MAPKAP1: variants seen among roughly 807,000 people sequenced by gnomAD.
MAPKAP1 encodes target of rapamycin complex 2 subunit MAPKAP1.
A neutral mutation model predicts 65.7 loss-of-function variants in MAPKAP1; 20 were observed. The observed-to-expected ratio is 0.30, with a 90% CI of 0.21 to 0.44. The LOEUF is 0.44. MAPKAP1 is among the 20% of genes least tolerant of loss of function. The probability of loss-of-function intolerance (pLI) is 1.00; values close to 1 mark genes in which losing one functional copy is unlikely to be tolerated. For synonymous variants in MAPKAP1, 222 were observed against 244.3 expected (o/e 0.91, Z 0.85); for missense variants, 423 against 648.0 (o/e 0.65, Z 3.77).
At chr9:125,564,690 ATTGAATT>A (rs779065861) in intron 5 of MAPKAP1, among the ~76,000 whole-genome samples, 20 of 152,308 alleles carry the variant, frequency 1.3e-4, no homozygotes, top group Non-Finnish European at 2.4e-4. Flanking sequence ...GGATTGAATG[ATTGAATT>A]TATTGCACAG....
At chr9:125,477,385 A>G (rs1463814079) in intron 9 of MAPKAP1, among the ~76,000 whole-genome samples, 7 of 152,236 alleles carry the variant, frequency 4.6e-5, no homozygotes, top group Non-Finnish European at 1.0e-4. Context: ...CTGCCCAGTC[A>G]GTAAAAACAA....
chr9:125,640,465 A>G (rs1423333915), intron 4 of MAPKAP1, among the ~76,000 whole-genome samples: 1 of 152,024 alleles, frequency 6.6e-6, no homozygotes, highest in African/African-American at 2.4e-5. Context: ...CCTTGCATCA[A>G]TGCACCCCCG....
chr9:125,691,215 C>A (rs890165679), intron 1 of MAPKAP1, among the ~76,000 whole-genome samples: 1 of 152,048 alleles, frequency 6.6e-6, no homozygotes, highest in African/African-American at 2.4e-5. Context: ...GAGCCGAGAT[C>A]GCGCCACTGC....
chr9:125,530,053 T>G (rs1829889628), intron 7 of MAPKAP1, among the ~76,000 whole-genome samples: 1 of 152,104 alleles, frequency 6.6e-6, no homozygotes, highest in Non-Finnish European at 1.5e-5. Flanking sequence ...CTTATGGGAG[T>G]AAAACAGCTC....
intron 5 of MAPKAP1, among the ~76,000 whole-genome samples, chr9:125,577,488 A>G (rs1231086668): frequency 7.2e-5 from 8 of 111,724 alleles, no homozygotes; most frequent in African/African-American, 1.1e-4. Flanking sequence ...GGTGAGGGGC[A>G]CCTCTGCCAG....
intron 6 of MAPKAP1, among the ~76,000 whole-genome samples, chr9:125,545,495 C>T (rs1830397318): frequency 6.6e-6 from 1 of 152,162 alleles, no homozygotes; most frequent in Admixed American, 6.5e-5. Context: ...CACAAGTTCT[C>T]GGGTACTCAC....
intron 4 of MAPKAP1, among the ~76,000 whole-genome samples, chr9:125,604,257 C>A (rs1313123870): frequency 1.3e-5 from 2 of 152,184 alleles, no homozygotes; most frequent in Admixed American, 1.3e-4. Context: ...AAATAAAACA[C>A]TTTATCAATT....
At chr9:125,464,204 TAAAAAAA>T (rs57497941) in intron 10 of MAPKAP1, among the ~76,000 whole-genome samples, 18 of 83,332 alleles carry the variant, frequency 2.2e-4, no homozygotes, top group Admixed American at 4.7e-4. Context: ...TCTCATATAT[TAAAAAAA>T]AAAAAAAAAA....
chr9:125,514,685 T>C (rs1436863614), intron 7 of MAPKAP1, among the ~76,000 whole-genome samples: 1 of 152,190 alleles, frequency 6.6e-6, no homozygotes, highest in African/African-American at 2.4e-5. Context: ...TTTTCTCTCA[T>C]ATGCAACAGG....
In MAPKAP1 at chr9:125,639,893, C is replaced by A. The variant is rs150313518; in HGVS notation, c.498+17758G>T. ...GGAGGGCAGTGAGAGGCTTATTTCT[C>A]CTTCTGGGGAGATATACTTGAACAC... is the stretch of plus-strand genomic sequence containing the variant. On this transcript the variant is annotated intron_variant, in intron 4 of 11. Coordinates refer to ENST00000265960, the MANE Select transcript of MAPKAP1 (RefSeq NM_001006617.3). Among the ~76,000 whole-genome samples, 106 of 152,304 alleles carry A rather than the reference C, an allele frequency of 7.0e-4. 1 individual carries two copies. In the East Asian group the frequency reaches 0.013, roughly 19 times the overall value.
At chr9:125,499,727 T>C (rs980399233) in intron 8 of MAPKAP1, among the ~76,000 whole-genome samples, 1 of 151,456 alleles carries the variant, frequency 6.6e-6, no homozygotes, top group Non-Finnish European at 1.5e-5. Flanking sequence ...AAAACTAATT[T>C]GTGGCTGGGT....
Position 125,595,242 on chromosome 9 carries a change from T to TA in MAPKAP1, c.499-9516dup, listed in dbSNP as rs1176037047. Among the ~76,000 whole-genome samples, 1 of 152,208 alleles carries TA rather than the reference T, an allele frequency of 6.6e-6. No homozygotes were observed. Among genetic ancestry groups the TA allele is most frequent in the Non-Finnish European group, 1.5e-5 (1 of 68,028 alleles). ...TATATACTGGAAAAGCTCAGTCTTT[T>TA]AAAAAGTGTCTCTAGGCCAATTATG... On this transcript the variant is annotated intron_variant, in intron 4 of 11. Coordinates refer to ENST00000265960, the MANE Select transcript of MAPKAP1 (RefSeq NM_001006617.3). The surrounding 1 kb of genome is among the most constrained non-coding windows in gnomAD (Gnocchi z 4.0).
chr9:125,497,461 A>G (rs756850508), intron 8 of MAPKAP1, among the ~76,000 whole-genome samples: 12 of 152,210 alleles, frequency 7.9e-5, no homozygotes, highest in Non-Finnish European at 1.5e-4. Flanking sequence ...CAGGCCTCTC[A>G]TTATTGTTCA....
In MAPKAP1 at chr9:125,576,324, T is replaced by A. The variant is rs1831394869; in HGVS notation, c.671+9231A>T. 2.6e-5 allele frequency among the ~76,000 whole-genome samples: 4 copies of A among 152,216 alleles called. No homozygotes were observed. The South Asian group carries it at 8.3e-4, about 31-fold the overall frequency. ...ATTGGTTCATCAACTTTAACAAATG[T>A]ACCACACTAATGCAAGATATTAGTA... On this transcript the variant is annotated intron_variant, in intron 5 of 11. Coordinates refer to ENST00000265960, the MANE Select transcript of MAPKAP1 (RefSeq NM_001006617.3).
At chr9:125,639,443 A>G (rs541607715) in intron 4 of MAPKAP1, among the ~76,000 whole-genome samples, 3 of 152,282 alleles carry the variant, frequency 2.0e-5, no homozygotes, top group Admixed American at 2.0e-4. Flanking sequence ...AATGCATGCA[A>G]AGCACTCAGA....
At chr9:125,534,880 G>C (rs1430967985) in intron 7 of MAPKAP1, among the ~76,000 whole-genome samples, 1 of 152,124 alleles carries the variant, frequency 6.6e-6, no homozygotes, top group Non-Finnish European at 1.5e-5. Context: ...AGGGCTCCCT[G>C]CTTCCCATGT....
At chr9:125,669,111 C>G (rs904399285) in intron 3 of MAPKAP1, among the ~76,000 whole-genome samples, 1 of 150,110 alleles carries the variant, frequency 6.7e-6, no homozygotes, top group Non-Finnish European at 1.5e-5. Context: ...ACCAGGGAGG[C>G]GGAGGCTGCA....
rs572092444 is a variant in MAPKAP1, at chr9:125,572,929, T to C, written c.671+12626A>G. 4.6e-5 allele frequency: 7 copies of C among 152,308 alleles called. No homozygotes were observed. The South Asian group carries it at 1.5e-3, about 32-fold the overall frequency. The allele number at this position is 152,308 out of a possible 1,614,324, so 9.4% of individuals were successfully genotyped here. The stretch of plus-strand genomic sequence containing the variant: ...TTTCTCAAAACTCAAGAGTTATGAA[T>C]GGACCTTACCATACTGATGCTTTCT... On this transcript the variant is annotated intron_variant, in intron 5 of 11. Transcript: ENST00000265960.
intron 7 of MAPKAP1, among the ~76,000 whole-genome samples, chr9:125,527,463 T>C (rs1829806069): frequency 1.3e-5 from 2 of 152,168 alleles, no homozygotes; most frequent in Admixed American, 6.5e-5. Flanking sequence ...TTATAGGCAA[T>C]TTGTTTAAGT....
Sources: gnomAD v4.1 joint callset for allele counts (sites outside exome capture counted in the v4.1 genomes callset) on GRCh38, gnomAD v4.1.1 for gene constraint, Gnocchi (gnomAD v3.1) non-coding constraint, MANE v1.5 for transcripts, NCBI Gene and HGNC (gene_info 2026-07-23, HGNC 2026-07-21) for gene names.